Variants in TCP11L2 observed in about 807,000 individuals in gnomAD.
The protein encoded by TCP11L2 is t-complex 11 like 2.
Under a neutral mutation model 50.7 loss-of-function variants are expected in TCP11L2, and 39 were observed. The observed-to-expected ratio is 0.77, with a 90% CI of 0.60 to 1.01. TCP11L2 has a LOEUF of 1.01. Ranked by LOEUF, TCP11L2 falls within the 50% of genes least tolerant of loss-of-function variation. The probability of loss-of-function intolerance (pLI) is 0.00; values close to 1 mark genes in which losing one functional copy is unlikely to be tolerated. For synonymous variants in TCP11L2, 192 were observed against 219.3 expected, an observed-to-expected ratio of 0.88 and a Z score of 1.10; for missense variants, 612 against 614.7, an observed-to-expected ratio of 1.00 and a Z score of 0.05.
upstream of TCP11L2, among the ~76,000 whole-genome samples, chr12:106,299,674 C>T (rs2034382076): frequency 6.6e-6 from 1 of 152,088 alleles, no homozygotes; most frequent in African/African-American, 2.4e-5. Context: ...GTAAGAGAAG[C>T]CTCACAACTC....
chr12:106,308,264 C>T (rs545748133), intron 1 of TCP11L2, among the ~76,000 whole-genome samples: 2 of 152,282 alleles, frequency 1.3e-5, no homozygotes, highest in East Asian at 1.9e-4. Flanking sequence ...ATCATATATT[C>T]CTTGCTGAGA....
chr12:106,310,836 G>A (rs113624307), intron 1 of TCP11L2, among the ~76,000 whole-genome samples: 9 of 152,244 alleles, frequency 5.9e-5, no homozygotes, highest in African/African-American at 2.2e-4. Flanking sequence ...ACCTATGGCT[G>A]TGGAATCCCT....
At chr12:106,337,376 C>G (rs771677775) in intron 8 of TCP11L2, among the ~76,000 whole-genome samples, 2 of 152,184 alleles carry the variant, frequency 1.3e-5, no homozygotes, top group African/African-American at 2.4e-5. Context: ...CAGAAAAGGG[C>G]AGACCAAGGA....
At chr12:106,312,275 TTTTGC>T in intron 2 of TCP11L2, 4 of 388,112 alleles carry the variant, frequency 1.0e-5, no homozygotes, top group Admixed American at 3.8e-5. Flanking sequence ...TTTTTTTTTT[TTTTGC>T]TGTTATAAAT....
intron 2 of TCP11L2, chr12:106,312,256 CATTTTTTT>C: frequency 2.2e-4 from 68 of 313,102 alleles, no homozygotes; most frequent in Non-Finnish European, 3.1e-4. Flanking sequence ...ATTTAGTTTC[CATTTTTTT>C]TTTTTTTTTT....
chr12:106,311,309 C>T (rs1044798941), intron 2 of TCP11L2, 77 bp downstream of exon 2: 81 of 1,511,640 alleles, frequency 5.4e-5, no homozygotes, highest in East Asian at 1.1e-4. Context: ...AACTCAGAAA[C>T]GCCTGAGAGC....
intron 1 of TCP11L2, among the ~76,000 whole-genome samples, chr12:106,305,863 C>T (rs1170477414): frequency 2.6e-5 from 4 of 152,046 alleles, no homozygotes; most frequent in Admixed American, 2.6e-4. Flanking sequence ...GTCTGAGGAA[C>T]GCAAAGAAGA....
In TCP11L2 at chr12:106,346,448, C is replaced by T. The variant is rs758369181; in HGVS notation, c.1478C>T (p.Pro493Leu). ...AATCTCAACAAACAAGTGTATGGAC[C>T]ATTTTATGCAAATATACTTCGAAAG... ...IVNLNKQVYG[P>L]FYANILRKLL... Residue 493 changes from proline to leucine, a missense_variant, in exon 10 of 10, where the codon CCA (proline) becomes CTA (leucine). Pro to Leu is a moderately conservative substitution (Grantham distance 98). Transcript: ENST00000299045. 1 of 1,614,122 alleles carries T rather than the reference C, an allele frequency of 6.2e-7. No homozygotes were observed. Among genetic ancestry groups the T allele is most frequent in the African/African-American group, 1.3e-5 (1 of 75,026 alleles).
chr12:106,328,272 G>A (rs755810201), intron 6 of TCP11L2, among the ~76,000 whole-genome samples: 4 of 152,226 alleles, frequency 2.6e-5, no homozygotes, highest in East Asian at 1.9e-4. Context: ...GAGGCTGGGC[G>A]CCATGGCTTA....
chr12:106,343,689 C>A (rs1006620500), intron 9 of TCP11L2, among the ~76,000 whole-genome samples: 2 of 150,278 alleles, frequency 1.3e-5, no homozygotes, highest in Non-Finnish European at 2.9e-5. Flanking sequence ...GAGTCTTGCT[C>A]TGTCGCCCAG....
chr12:106,312,257 ATTTTTTTTT>A (rs55891003), intron 2 of TCP11L2: 34 of 291,568 alleles, frequency 1.2e-4, no homozygotes, highest in South Asian at 2.1e-4. Flanking sequence ...TTTAGTTTCC[ATTTTTTTTT>A]TTTTTTTTTT....
At chr12:106,323,160 T>C (rs1305876442) in intron 5 of TCP11L2, among the ~76,000 whole-genome samples, 2 of 152,216 alleles carry the variant, frequency 1.3e-5, no homozygotes, top group Admixed American at 6.5e-5. Flanking sequence ...CTCACTGCCT[T>C]GTCCTTTCTT....
chr12:106,311,460 G>A (rs76322285), intron 2 of TCP11L2, among the ~76,000 whole-genome samples: 4,187 of 152,136 alleles, frequency 0.028, 221 homozygotes, highest in African/African-American at 0.096. Context: ...GATCTGTTTC[G>A]GTCTGATGAT....
chr12:106,334,563 A>C (rs192312533), intron 6 of TCP11L2, among the ~76,000 whole-genome samples: 22 of 152,234 alleles, frequency 1.4e-4, no homozygotes, highest in African/African-American at 5.1e-4. Context: ...CACTGCAATA[A>C]TTTACTCTCC....
chr12:106,334,440 C>T (rs374694576), intron 6 of TCP11L2, among the ~76,000 whole-genome samples: 2 of 152,158 alleles, frequency 1.3e-5, no homozygotes, highest in South Asian at 4.1e-4. Context: ...TTCCTATTCT[C>T]TACATGTAAG....
At chr12:106,303,166 G>A (rs2034486961) in intron 1 of TCP11L2, 1 of 152,264 alleles carries the variant, frequency 6.6e-6, no homozygotes, top group East Asian at 1.9e-4. Context: ...CGGGGAGCGG[G>A]GCACCGAGTG....
chr12:106,313,492 A>C (rs1216352704), intron 2 of TCP11L2, among the ~76,000 whole-genome samples: 1 of 151,928 alleles, frequency 6.6e-6, no homozygotes, highest in Non-Finnish European at 1.5e-5. Context: ...AGGCAGGAGA[A>C]TCTCTTGACC....
intron 6 of TCP11L2, chr12:106,329,438 G>A (rs2035670812): frequency 2.0e-6 from 3 of 1,534,854 alleles, no homozygotes; most frequent in African/African-American, 2.7e-5. Flanking sequence ...ATCCCTAAGA[G>A]AAGAGCCAAC....
chr12:106,309,545 C>G (rs1287980906), intron 1 of TCP11L2, among the ~76,000 whole-genome samples: 1 of 151,942 alleles, frequency 6.6e-6, no homozygotes, highest in Non-Finnish European at 1.5e-5. Context: ...TTAGATCCCT[C>G]TCAGACTCAT....
Sources: gnomAD v4.1 joint callset for allele counts (sites outside exome capture counted in the v4.1 genomes callset) on GRCh38, gnomAD v4.1.1 for gene constraint, MANE v1.5 for transcripts, NCBI Gene and HGNC (gene_info 2026-07-23, HGNC 2026-07-21) for gene names.